RB1CC1: variants seen among roughly 807,000 people sequenced by gnomAD.
The protein encoded by RB1CC1 is RB1-inducible coiled-coil protein 1.
A neutral mutation model predicts 177.5 loss-of-function variants in RB1CC1; 46 were observed. The observed-to-expected ratio is 0.26, with a 90% CI of 0.20 to 0.33. The LOEUF is 0.33. Among genes scored for constraint, RB1CC1 ranks in the 10% least tolerant of loss-of-function variants. RB1CC1 has a pLI of 1.00. For missense variants in RB1CC1, 1,703 were observed against 1,816.3 expected (o/e 0.94, Z 1.13); for synonymous variants, 666 against 613.6 (o/e 1.09, Z -1.26).
chr8:52,708,422 T>A (rs1299559341), intron 1 of RB1CC1, among the ~76,000 whole-genome samples: 1 of 151,806 alleles, frequency 6.6e-6, no homozygotes, highest in East Asian at 1.9e-4. Context: ...GAGGCTGAGG[T>A]GGGAGAATGG....
chr8:52,662,190 A>G (rs549068338), intron 8 of RB1CC1, among the ~76,000 whole-genome samples: 18 of 152,200 alleles, frequency 1.2e-4, no homozygotes, highest in Non-Finnish European at 2.4e-4. Context: ...TGCCCTCTCC[A>G]GTTATCTCTG....
At chr8:52,651,010 A>G (rs1850527049) in intron 15 of RB1CC1, among the ~76,000 whole-genome samples, 1 of 152,230 alleles carries the variant, frequency 6.6e-6, no homozygotes, top group African/African-American at 2.4e-5. Context: ...TCAAATTGCC[A>G]GATCTCTGGA....
At chr8:52,710,531 T>C (rs569917493) in intron 1 of RB1CC1, among the ~76,000 whole-genome samples, 2 of 152,318 alleles carry the variant, frequency 1.3e-5, no homozygotes, top group East Asian at 1.9e-4. Flanking sequence ...TACATACTAC[T>C]ATGGACTTTG....
intron 15 of RB1CC1, among the ~76,000 whole-genome samples, chr8:52,650,888 C>T (rs1850517260): frequency 6.6e-6 from 1 of 152,172 alleles, no homozygotes; most frequent in Non-Finnish European, 1.5e-5. Context: ...CTTTTTCTAC[C>T]TTGTCTGAGG....
In RB1CC1 at chr8:52,714,124, C is replaced by G. The variant is rs1303563814; in HGVS notation, c.-216G>C. On this transcript the variant is annotated 5_prime_UTR_variant, in exon 1 of 24. Transcript: ENST00000025008. ...GCGGCAGCAGCAGAGCCAGCGACCC[C>G]CGGCACCATCTTCCGCCGCCGCCTA... is the stretch of plus-strand genomic sequence containing the variant. The G allele has an allele frequency of 3.1e-6, 1 of 325,922 alleles. No individual in the cohort carries two copies. Among genetic ancestry groups the G allele is most frequent in the Non-Finnish European group, 6.3e-6 (1 of 158,118 alleles). 20.2% of individuals were successfully genotyped at this position (325,922 alleles called of 1,614,324 possible).
rs918642891 is a variant in RB1CC1 at position 52,683,630 on chromosome 8, A to T, written c.288T>A (p.Asn96Lys). ...ATTCTTCAACTTTTATTTCCATGTCATTTTCTGTCGAAAAGGTAGTTTTAG... is the reference window on the plus strand; with the variant it reads ...ATTCTTCAACTTTTATTTCCATGTCTTTTTCTGTCGAAAAGGTAGTTTTAG... ...AIPKTTFSTE[N>K]DMEIKVEESL... The change falls in exon 5 of 24, where the codon AAT becomes AAA. Residue 96 changes from asparagine (N) to lysine (K), a missense_variant. This residue lies in a region of RB1CC1 where 118 missense variants were observed against 121.2 expected (regional missense o/e 0.97). Coordinates refer to ENST00000025008, the MANE Select transcript of RB1CC1 (RefSeq NM_014781.5). 6.2e-7 allele frequency: 1 copy of T among 1,612,670 alleles called. No homozygotes were observed. Among genetic ancestry groups the T allele is most frequent in the African/African-American group, 1.3e-5 (1 of 74,858 alleles).
intron 18 of RB1CC1, among the ~76,000 whole-genome samples, chr8:52,637,242 G>A (rs1298130393): frequency 6.6e-6 from 1 of 152,088 alleles, no homozygotes; most frequent in African/African-American, 2.4e-5. Context: ...TTTTTTCCAT[G>A]TTTTGTAATT....
chr8:52,655,453 A>G (rs1011380366), intron 15 of RB1CC1, among the ~76,000 whole-genome samples: 1 of 152,160 alleles, frequency 6.6e-6, no homozygotes, highest in African/African-American at 2.4e-5. Flanking sequence ...ACAATAATAA[A>G]CATGTAAAAA....
rs771738263 is a variant in RB1CC1 at position 52,683,726 on chromosome 8, T to A, written c.199-7A>T. The stretch of plus-strand genomic sequence containing the variant: ...GAAAAATTGGATTTGTATCCTATAT[T>A]TTTTAAAAAAGGAGAAATAACCAAA... On this transcript the variant is annotated splice_polypyrimidine_tract_variant and splice_region_variant and intron_variant, in intron 4 of 23. Transcript: ENST00000025008. 8.3e-6 allele frequency: 13 copies of A among 1,569,208 alleles called. No homozygotes were observed. Among genetic ancestry groups the A allele is most frequent in the South Asian group, 7.1e-5 (6 of 84,826 alleles).
chr8:52,683,545 T>C lies in RB1CC1; in HGVS notation c.369+4A>G, dbSNP rs1336310549. 1 of 1,574,068 alleles carries C rather than the reference T, an allele frequency of 6.4e-7. No individual in the cohort carries two copies. Among genetic ancestry groups the C allele is most frequent in the African/African-American group, 1.4e-5 (1 of 72,950 alleles). ...ATCAGTTAAAATAATTGTTTATATC[T>C]TACCAATGCAAGCTGTGTCCTTGAA... On this transcript the variant is annotated splice_donor_region_variant and intron_variant, in intron 5 of 23. Coordinates refer to ENST00000025008, the MANE Select transcript of RB1CC1 (RefSeq NM_014781.5).
chr8:52,658,256 T>C, intron 13 of RB1CC1, 132 bp from the exon 14 acceptor site: 1 of 1,085,520 alleles, frequency 9.2e-7, no homozygotes, highest in African/African-American at 1.6e-5. Context: ...CCAGAAGTAT[T>C]TTAAGAAGTT....
At chr8:52,665,925 G>C (rs530938537) in intron 8 of RB1CC1, among the ~76,000 whole-genome samples, 254 of 152,256 alleles carry the variant, frequency 1.7e-3, no homozygotes, top group Non-Finnish European at 3.3e-3. Flanking sequence ...CCAAGGGAAG[G>C]TACAATGGAA....
At chr8:52,703,333 C>G (rs1390325026) in intron 1 of RB1CC1, among the ~76,000 whole-genome samples, 2 of 152,132 alleles carry the variant, frequency 1.3e-5, no homozygotes. Context: ...TCAGATGACA[C>G]CACCAACTAC....
chr8:52,707,924 A>G (rs960712652), intron 1 of RB1CC1, among the ~76,000 whole-genome samples: 2 of 152,194 alleles, frequency 1.3e-5, no homozygotes, highest in Non-Finnish European at 2.9e-5. Flanking sequence ...GGTAACCTCC[A>G]CATATCAGTT....
chr8:52,656,920 T>C lies in RB1CC1; in HGVS notation c.2909A>G (p.Asp970Gly). ...TGCCCTCAATAACTGTAACTTCTCA[T>C]CATTTTCAACATGGAGCTTTTTTAA... is the stretch of plus-strand genomic sequence containing the variant. ...EDLKKLHVEN[D>G]EKLQLLRAEL... Residue 970 changes from aspartate (D) to glycine (G), a missense_variant, in exon 15 of 24, where the codon GAT (aspartate) becomes GGT (glycine). Physicochemically the swap from Asp to Gly is moderately conservative, Grantham distance 94. Transcript: ENST00000025008. 1.9e-6 allele frequency: 3 copies of C among 1,613,330 alleles called. No homozygotes were observed. Among genetic ancestry groups the C allele is most frequent in the Non-Finnish European group, 2.5e-6 (3 of 1,179,938 alleles).
chr8:52,639,583 G>A (rs545273991), intron 18 of RB1CC1, among the ~76,000 whole-genome samples: 2 of 152,218 alleles, frequency 1.3e-5, no homozygotes, highest in East Asian at 1.9e-4. Context: ...TATGAAATAC[G>A]ATGCTTGCTA....
intron 1 of RB1CC1, among the ~76,000 whole-genome samples, chr8:52,708,940 C>A (rs1028050862): frequency 2.6e-5 from 4 of 152,024 alleles, no homozygotes; most frequent in African/African-American, 9.7e-5. Context: ...AGCTTTTAGT[C>A]CACTTTATAT....
At chr8:52,630,595 A>C (rs1848686801) in intron 20 of RB1CC1, 67 bp from the exon 21 acceptor site, 1 of 1,486,822 alleles carries the variant, frequency 6.7e-7, no homozygotes, top group African/African-American at 1.4e-5. Context: ...TACTGCAAAA[A>C]TTTCACCCAC....
chr8:52,657,116 C>A lies in RB1CC1; in HGVS notation c.2713G>T (p.Val905Phe), dbSNP rs770806517. ...AATTCATTATCTTTATTTTGTAAAA[C>A]CTCCTCAAGGCATACTAACTCTCCC... ...LKGELVCLEE[V>F]LQNKDNEFAL... Residue 905 changes from valine to phenylalanine, a missense_variant, in exon 15 of 24, where the codon GTT becomes TTT. Physicochemically the swap from Val to Phe is conservative, Grantham distance 50. This residue lies in a region of RB1CC1 where 1,169 missense variants were observed against 1,184.7 expected (regional missense o/e 0.99). Coordinates refer to ENST00000025008, the MANE Select transcript of RB1CC1 (RefSeq NM_014781.5). The A allele has an allele frequency of 9.3e-6, 15 of 1,610,558 alleles. No homozygotes were observed. The highest frequency in any genetic ancestry group is 1.3e-5 in the African/African-American group (1 of 74,670).
Sources: allele counts gnomAD v4.1 joint callset (sites outside exome capture counted in the v4.1 genomes callset), GRCh38; gene constraint gnomAD v4.1.1; regional missense constraint gnomAD v4.1.1; transcripts MANE v1.5; gene names NCBI Gene and HGNC (gene_info 2026-07-23, HGNC 2026-07-21).